The following NRG1 variants were observed in gnomAD, a reference collection of about 807,000 sequenced individuals.
The protein encoded by NRG1 is neuregulin 1.
A neutral mutation model predicts 63.8 loss-of-function variants in NRG1; 18 were observed. The observed-to-expected ratio is 0.28, with a 90% CI of 0.19 to 0.42. The LOEUF (loss-of-function observed/expected upper bound fraction) is 0.42, where lower values mean the gene tolerates loss of function less well. NRG1 is among the 10% of genes least tolerant of loss of function. The pLI is 1.00. For synonymous variants in NRG1, 302 were observed against 301.3 expected, an observed-to-expected ratio of 1.00 and a Z score of -0.02; for missense variants, 762 against 814.7, an observed-to-expected ratio of 0.94 and a Z score of 0.79.
chr8:32,657,664 A>G (rs892393442), intron 5 of NRG1, among the ~76,000 whole-genome samples: 2 of 152,316 alleles, frequency 1.3e-5, no homozygotes, highest in Non-Finnish European at 2.9e-5. Context: ...TGATCTAAGG[A>G]TAGTAGAATT....
At chr8:31,702,722 C>G (rs1810750897) in intron 1 of NRG1, among the ~76,000 whole-genome samples, 1 of 152,096 alleles carries the variant, frequency 6.6e-6, no homozygotes, top group African/African-American at 2.4e-5. Flanking sequence ...GTGGATGTAA[C>G]TTCTTATGAT....
chr8:31,660,913 G>A (rs1805928787), intron 1 of NRG1, among the ~76,000 whole-genome samples: 1 of 152,036 alleles, frequency 6.6e-6, no homozygotes, highest in Non-Finnish European at 1.5e-5. Context: ...GTTTTTGCAT[G>A]TTTTATTGCT....
intron 1 of NRG1, among the ~76,000 whole-genome samples, chr8:31,892,078 G>A (rs1327539499): frequency 6.6e-6 from 1 of 152,096 alleles, no homozygotes; most frequent in Non-Finnish European, 1.5e-5. Flanking sequence ...TTGACTATGA[G>A]TGTCAATATC....
intron 7 of NRG1, among the ~76,000 whole-genome samples, chr8:32,743,956 G>A (rs1188137214): frequency 3.3e-5 from 5 of 152,008 alleles, no homozygotes; most frequent in Non-Finnish European, 5.9e-5. Flanking sequence ...AAACTGATGT[G>A]CATGGGTGTG....
At chr8:32,079,046 A>G (rs547541563) in intron 1 of NRG1, among the ~76,000 whole-genome samples, 4 of 152,086 alleles carry the variant, frequency 2.6e-5, no homozygotes, top group Non-Finnish European at 5.9e-5. Flanking sequence ...TGAACTTAAA[A>G]GCTGGGACAG....
intron 1 of NRG1, among the ~76,000 whole-genome samples, chr8:32,172,674 C>T (rs923635940): frequency 1.5e-4 from 23 of 152,054 alleles, no homozygotes; most frequent in African/African-American, 4.3e-4. Context: ...AACCAAGGCA[C>T]GAGAACTACG....
exon 8 of NRG1, chr8:32,754,400 G>T: frequency 6.2e-7 from 1 of 1,613,792 alleles, no homozygotes; most frequent in East Asian, 2.2e-5. Context: ...AGAAGAGAGT[G>T]CTGACCATAA....
intron 1 of NRG1, among the ~76,000 whole-genome samples, chr8:32,523,244 T>C (rs1419527032): frequency 1.3e-5 from 2 of 152,186 alleles, no homozygotes; most frequent in African/African-American, 4.8e-5. Context: ...TACATGTACT[T>C]CAACCAAAAC....
chr8:32,645,622 C>T (rs1447067914), intron 5 of NRG1, among the ~76,000 whole-genome samples: 2 of 152,148 alleles, frequency 1.3e-5, no homozygotes, highest in Non-Finnish European at 2.9e-5. Flanking sequence ...CGGATTTTCT[C>T]AGGACTTGAA....
chr8:31,966,807 G>C (rs327414), intron 1 of NRG1, among the ~76,000 whole-genome samples: 128,546 of 152,082 alleles, frequency 0.85, 55,211 homozygotes, highest in African/African-American at 0.96. Flanking sequence ...TAAGAAGGTT[G>C]ATAAAATATT....
chr8:31,815,999 C>T lies in NRG1; in HGVS notation c.37+176568C>T, dbSNP rs528888052. Among the ~76,000 whole-genome samples the T allele has an allele frequency of 5.9e-5, 9 of 152,286 alleles. No individual in the cohort carries two copies. In the South Asian group the frequency reaches 1.9e-3, roughly 32 times the overall value. On this transcript the variant is annotated intron_variant, in intron 1 of 10. Coordinates refer to the NRG1 transcript ENST00000519301. ...TGTATTCAGCGTTTGCTTATTTTCA[C>T]ATTGAATTATCAGTATTTTTTGTTG...
At chr8:31,761,417 C>T (rs1272769172) in intron 1 of NRG1, among the ~76,000 whole-genome samples, 3 of 151,838 alleles carry the variant, frequency 2.0e-5, no homozygotes, top group Admixed American at 6.6e-5. Flanking sequence ...CTAACCTGCA[C>T]ATTGTGCACA....
At chr8:32,254,863 G>C (rs1324077668) in intron 1 of NRG1, among the ~76,000 whole-genome samples, 1 of 152,078 alleles carries the variant, frequency 6.6e-6, no homozygotes, top group African/African-American at 2.4e-5. Context: ...TCCTCATATT[G>C]GGAATCTGGT....
intron 1 of NRG1, among the ~76,000 whole-genome samples, chr8:32,222,937 C>T (rs565033363): frequency 6.6e-6 from 1 of 152,214 alleles, no homozygotes; most frequent in East Asian, 1.9e-4. Context: ...GTTGCCAATC[C>T]GAGAACAGCC....
chr8:32,070,530 A>G (rs1825597105), intron 1 of NRG1, among the ~76,000 whole-genome samples: 1 of 152,222 alleles, frequency 6.6e-6, no homozygotes, highest in Admixed American at 6.5e-5. Flanking sequence ...CCTAATGGCC[A>G]TGATTATTTA....
chr8:32,760,570 G>T, intron 11 of NRG1, 164 bp downstream of exon 11: 3 of 1,433,726 alleles, frequency 2.1e-6, no homozygotes, highest in Non-Finnish European at 2.7e-6. Context: ...TTTGTTTGAC[G>T]GAACTTATTT....
In NRG1 at chr8:31,644,666, C is replaced by A. The variant is rs768570658; in HGVS notation, c.37+5235C>A. On this transcript the variant is annotated intron_variant, in intron 1 of 10. Coordinates refer to the NRG1 transcript ENST00000519301. Reference sequence around the variant, plus strand: ...GGTTATTGCCCTTGTCAAATATAATCTATTCATTCTTCCGGAAATCTCCTT... The same window carrying A: ...GGTTATTGCCCTTGTCAAATATAATATATTCATTCTTCCGGAAATCTCCTT... Among the ~76,000 whole-genome samples, 4 of 152,186 alleles carry A rather than the reference C, an allele frequency of 2.6e-5. No homozygotes were observed. The South Asian group carries it at 8.3e-4, about 32-fold the overall frequency.
At chr8:32,448,343 TG>T (rs1177006663) in intron 1 of NRG1, among the ~76,000 whole-genome samples, 9 of 152,338 alleles carry the variant, frequency 5.9e-5, no homozygotes, top group African/African-American at 2.2e-4. Context: ...CTAGAGATTC[TG>T]GTGCCAGGAG....
At chr8:32,005,776 AACTATTTTCTTTGGTTGCTGTTAC>A (rs1345460852) in intron 1 of NRG1, among the ~76,000 whole-genome samples, 1 of 152,002 alleles carries the variant, frequency 6.6e-6, no homozygotes, top group Non-Finnish European at 1.5e-5. Flanking sequence ...AAATGACCTG[AACTATTTTCTTTGGTTGCTGTTAC>A]ATAATCCATA....
Sources: gnomAD v4.1 joint callset for allele counts (sites outside exome capture counted in the v4.1 genomes callset) on GRCh38, gnomAD v4.1.1 for gene constraint, MANE v1.5 for transcripts, NCBI Gene and HGNC (gene_info 2026-07-23, HGNC 2026-07-21) for gene names.